The following RAB3GAP2 variants were observed in gnomAD, a reference collection of about 807,000 sequenced individuals.
RAB3GAP2 encodes rab3 GTPase-activating protein non-catalytic subunit.
In RAB3GAP2, 87 loss-of-function variants were observed where a neutral mutation model predicts 185.3. The ratio of observed to expected loss-of-function variants is 0.47; its 90% CI spans 0.39 to 0.56. RAB3GAP2 has a LOEUF of 0.56. Among genes scored for constraint, RAB3GAP2 ranks in the 20% least tolerant of loss-of-function variants. The pLI, the probability that RAB3GAP2 is intolerant of heterozygous loss-of-function variation, is 0.00. For synonymous variants in RAB3GAP2, 554 were observed against 576.1 expected, an observed-to-expected ratio of 0.96 and a Z score of 0.55; for missense variants, 1,492 against 1,638.2, an observed-to-expected ratio of 0.91 and a Z score of 1.54.
At chr1:220,172,533 T>A in intron 22 of RAB3GAP2, 104 bp downstream of exon 22, 1 of 754,260 alleles carries the variant, frequency 1.3e-6, no homozygotes, top group Non-Finnish European at 2.4e-6. Flanking sequence ...AAATGTTTTG[T>A]ACACTACAGA....
chr1:220,165,402 C>T (rs903641810), intron 26 of RAB3GAP2, among the ~76,000 whole-genome samples: 2 of 151,822 alleles, frequency 1.3e-5, no homozygotes, highest in African/African-American at 4.8e-5. Flanking sequence ...AAATTCAACT[C>T]TTTCTAATCA....
chr1:220,186,205 T>C (rs1169871099), intron 17 of RAB3GAP2, among the ~76,000 whole-genome samples: 1 of 152,136 alleles, frequency 6.6e-6, no homozygotes, highest in Non-Finnish European at 1.5e-5. Flanking sequence ...ATGAATACAG[T>C]ACCCACCCTT....
rs184700193 is a variant in RAB3GAP2, at chr1:220,188,476, G to A, written c.1779+1227C>T. Reference sequence around the variant, plus strand: ...TGAGGGGTTTGGATAGGAGGAGTGGGAGTAAAAGAAATCACCAGTGGTGAC... The same window carrying A: ...TGAGGGGTTTGGATAGGAGGAGTGGAAGTAAAAGAAATCACCAGTGGTGAC... On this transcript the variant is annotated intron_variant, in intron 17 of 34. Coordinates refer to ENST00000358951, the MANE Select transcript of RAB3GAP2 (RefSeq NM_012414.4). Among the ~76,000 whole-genome samples, 367 of 152,254 alleles carry A rather than the reference G, an allele frequency of 2.4e-3. 2 individuals are homozygous for A. Among genetic ancestry groups the A allele is most frequent in the African/African-American group, 7.8e-3 (326 of 41,544 alleles).
intron 3 of RAB3GAP2, among the ~76,000 whole-genome samples, chr1:220,213,565 CT>C (rs1451599820): frequency 2.0e-5 from 3 of 151,732 alleles, no homozygotes; most frequent in African/African-American, 7.3e-5. Context: ...TTAGCTCTGA[CT>C]GTCCCTTGCA....
intron 1 of RAB3GAP2, among the ~76,000 whole-genome samples, chr1:220,237,942 A>G (rs1280468485): frequency 6.6e-6 from 1 of 152,182 alleles, no homozygotes; most frequent in Non-Finnish European, 1.5e-5. Context: ...ATCAGAATAC[A>G]ACCAGAATAT....
At chr1:220,179,244 C>CAAAAAAAAA (rs71169437) in intron 21 of RAB3GAP2, among the ~76,000 whole-genome samples, 60 of 56,488 alleles carry the variant, frequency 1.1e-3, no homozygotes, top group South Asian at 1.8e-3. Flanking sequence ...GAGACTGTCT[C>CAAAAAAAAA]AAAAAAAAAA....
At chr1:220,169,212 T>C (rs1658129835) in intron 24 of RAB3GAP2, among the ~76,000 whole-genome samples, 1 of 152,210 alleles carries the variant, frequency 6.6e-6, no homozygotes, top group Non-Finnish European at 1.5e-5. Flanking sequence ...TAAAAATCTA[T>C]AAACATGTGG....
At chr1:220,272,174 A>G (rs749722248) in intron 1 of RAB3GAP2, 49 bp downstream of exon 1, 2 of 1,477,418 alleles carry the variant, frequency 1.4e-6, no homozygotes, top group South Asian at 2.4e-5. Context: ...CCGTGAGCAG[A>G]GGCCGCGGGT....
intron 31 of RAB3GAP2, 64 bp from the exon 32 acceptor site, chr1:220,154,121 A>C: frequency 6.3e-7 from 1 of 1,595,174 alleles, no homozygotes. Context: ...AGGGAGAAAG[A>C]TTTGTTTAAA....
In RAB3GAP2 at chr1:220,196,219, C is replaced by T. The variant is rs572216016; in HGVS notation, c.960+31G>A. ...AGACAAATTGTAAAATCAAGAGCAG[C>T]CTTACTCATGATCATTGATAAAACT... On this transcript the variant is annotated intron_variant, in intron 10 of 34. Coordinates refer to ENST00000358951, the MANE Select transcript of RAB3GAP2 (RefSeq NM_012414.4). 5.0e-5 allele frequency: 81 copies of T among 1,604,906 alleles called. 1 individual carries two copies. In the South Asian group the frequency reaches 7.7e-4, roughly 15 times the overall value.
chr1:220,163,613 C>T (rs561357047), intron 27 of RAB3GAP2, among the ~76,000 whole-genome samples: 2 of 151,304 alleles, frequency 1.3e-5, no homozygotes, highest in East Asian at 1.9e-4. Flanking sequence ...CCGCCCGCCT[C>T]GGCCTCCCAA....
At chr1:220,254,546 C>T in intron 1 of RAB3GAP2, 1 of 1,596,980 alleles carries the variant, frequency 6.3e-7, no homozygotes, top group Admixed American at 1.7e-5. Flanking sequence ...GTGTGAGAGG[C>T]ACTCTCACTC....
At chr1:220,211,037 T>C (rs765208582) in intron 4 of RAB3GAP2, 35 bp from the exon 5 acceptor site, 5 of 1,588,238 alleles carry the variant, frequency 3.1e-6, no homozygotes, top group Non-Finnish European at 4.3e-6. Context: ...GCTTACCCAC[T>C]GAACTTACCA....
chr1:220,208,745 C>G (rs940797929), intron 7 of RAB3GAP2, among the ~76,000 whole-genome samples: 3 of 151,096 alleles, frequency 2.0e-5, no homozygotes, highest in Admixed American at 2.0e-4. Context: ...GAGACGGAGT[C>G]TCGCTCTGTC....
chr1:220,157,094 G>A (rs1405594594), intron 31 of RAB3GAP2, among the ~76,000 whole-genome samples, 176 bp downstream of exon 31: 1 of 152,068 alleles, frequency 6.6e-6, no homozygotes, highest in Non-Finnish European at 1.5e-5. Flanking sequence ...TCCAAGGGGA[G>A]CAGTACAGAA....
intron 15 of RAB3GAP2, 42 bp downstream of exon 15, chr1:220,190,335 T>A: frequency 1.2e-6 from 2 of 1,613,448 alleles, no homozygotes; most frequent in Non-Finnish European, 1.7e-6. Flanking sequence ...CTAGGAAAAG[T>A]TAGCAGAGGA....
At chr1:220,215,409 A>G (rs1021987868) in intron 2 of RAB3GAP2, among the ~76,000 whole-genome samples, 1 of 152,174 alleles carries the variant, frequency 6.6e-6, no homozygotes, top group Non-Finnish European at 1.5e-5. Context: ...TTTAATAGGT[A>G]AAATGTAGTA....
intron 1 of RAB3GAP2, among the ~76,000 whole-genome samples, chr1:220,243,530 T>C (rs114568689): frequency 0.069 from 10,472 of 152,212 alleles, 479 homozygotes; most frequent in South Asian, 0.12. Flanking sequence ...AACTGATAAG[T>C]GGCAGAACTG....
At chr1:220,259,183 C>G (rs1660089088) in intron 1 of RAB3GAP2, among the ~76,000 whole-genome samples, 1 of 152,022 alleles carries the variant, frequency 6.6e-6, no homozygotes. Flanking sequence ...CAATGCTATT[C>G]CCATTAAACT....
Sources: gnomAD v4.1 joint callset for allele counts (sites outside exome capture counted in the v4.1 genomes callset) on GRCh38, gnomAD v4.1.1 for gene constraint, MANE v1.5 for transcripts, NCBI Gene and HGNC (gene_info 2026-07-23, HGNC 2026-07-21) for gene names.